DIO1: variants seen among roughly 807,000 people sequenced by gnomAD.
DIO1 encodes iodothyronine deiodinase 1, also known as type I iodothyronine deiodinase.
DIO1 carries 17 observed loss-of-function variants against 25.9 expected under a neutral mutation model. The observed-to-expected ratio is 0.66, with a 90% CI of 0.45 to 0.98. The LOEUF is 0.98. Among genes scored for constraint, DIO1 ranks in the 50% least tolerant of loss-of-function variants. The pLI is 0.00. For missense variants in DIO1, 270 were observed against 310.4 expected (o/e 0.87, Z 0.98); for synonymous variants, 115 against 114.0 (o/e 1.01, Z -0.05).
In DIO1 at chr1:53,906,186, C is replaced by A; in HGVS notation, c.573C>A (p.Ser191Arg). Residue 191 changes from serine to arginine, a missense_variant, in exon 3 of 4, where the codon AGC (serine) becomes AGA (arginine). By Grantham distance (110) the Ser-to-Arg change is moderately radical. Coordinates refer to ENST00000361921, the MANE Select transcript of DIO1 (RefSeq NM_000792.7). ...LQAAHLLLAR[S>R]PQCPVVVDTM... ...CAGCCCATCTACTGCTGGCCAGGAGCCCCCAGTGCCCTGTGGTGGTGGACA... is the reference window on the plus strand; with the variant it reads ...CAGCCCATCTACTGCTGGCCAGGAGACCCCAGTGCCCTGTGGTGGTGGACA... 6.2e-7 allele frequency: 1 copy of A among 1,614,148 alleles called. No individual in the cohort carries two copies. Among genetic ancestry groups the A allele is most frequent in the Non-Finnish European group, 8.5e-7 (1 of 1,180,000 alleles).
At chr1:53,909,833 C>A in intron 3 of DIO1, 98 bp from the exon 4 acceptor site, 1 of 1,162,550 alleles carries the variant, frequency 8.6e-7, no homozygotes, top group South Asian at 1.2e-5. Flanking sequence ...ACACAGACAT[C>A]ATTTGACCAC....
Position 53,909,277 on chromosome 1 carries a change from G to A in DIO1, c.682-654G>A, listed in dbSNP as rs546101915. Among the ~76,000 whole-genome samples the A allele has an allele frequency of 1.8e-4, 27 of 150,460 alleles. No homozygotes were observed. In the East Asian group the frequency reaches 3.3e-3, roughly 18 times the overall value. On this transcript the variant is annotated intron_variant, in intron 3 of 3. Coordinates refer to ENST00000361921, the MANE Select transcript of DIO1 (RefSeq NM_000792.7). ...CTAAAAATACAAAAATTAGCCAGGC[G>A]TGGTGGAGTGCACCCGTATTCCCTG... is the stretch of plus-strand genomic sequence containing the variant.
chr1:53,897,531 C>T (rs947667061), intron 1 of DIO1, among the ~76,000 whole-genome samples: 2 of 151,884 alleles, frequency 1.3e-5, no homozygotes, highest in African/African-American at 4.8e-5. Context: ...TTTGTCTCTG[C>T]TCCCTGCTGC....
intron 3 of DIO1, among the ~76,000 whole-genome samples, chr1:53,906,623 ATGT>A (rs978083884): frequency 2.0e-5 from 3 of 151,686 alleles, no homozygotes; most frequent in Admixed American, 6.6e-5. Flanking sequence ...GAGACAGAGA[ATGT>A]TGTTTTTGTT....
chr1:53,901,375 A>C (rs550598353), intron 1 of DIO1, among the ~76,000 whole-genome samples: 1 of 152,282 alleles, frequency 6.6e-6, no homozygotes, highest in East Asian at 1.9e-4. Context: ...AGTGCTTTCC[A>C]GAAACAATAT....
At chr1:53,905,498 A>C (rs1354259909) in intron 2 of DIO1, among the ~76,000 whole-genome samples, 1 of 152,144 alleles carries the variant, frequency 6.6e-6, no homozygotes, top group Non-Finnish European at 1.5e-5. Flanking sequence ...TTGAAAGAAC[A>C]CTGTGGTGAA....
chr1:53,905,027 G>C (rs532858742), intron 2 of DIO1, among the ~76,000 whole-genome samples: 4 of 152,320 alleles, frequency 2.6e-5, no homozygotes, highest in Admixed American at 2.0e-4. Flanking sequence ...AACACCTGGA[G>C]TGACAGGGTC....
intron 3 of DIO1, 26 bp from the exon 4 acceptor site, chr1:53,909,905 G>A (rs1321894936): frequency 6.2e-7 from 1 of 1,612,042 alleles, no homozygotes; most frequent in South Asian, 1.1e-5. Context: ...TACAAGTTGG[G>A]AATGCCTGAT....
rs144654417 is a variant in DIO1 at position 53,894,505 on chromosome 1, C to T, written c.295C>T (p.Arg99Cys). The T allele has an allele frequency of 1.6e-4, 265 of 1,614,042 alleles. No individual in the cohort carries two copies. The highest frequency in any genetic ancestry group is 4.7e-4 in the Admixed American group (28 of 60,008). ...TCTGGCCCCAAACTGCCCGGTGGTC[C>T]GCCTCTCAGGACAGAGGTGCAACAT... ...GGLAPNCPVV[R>C]LSGQRCNIWE... The change falls in exon 1 of 4, where the codon CGC becomes TGC. Residue 99 changes from arginine (R) to cysteine (C), a missense_variant. Transcript: ENST00000361921. The surrounding 1 kb of genome is among the most constrained non-coding windows in gnomAD (Gnocchi z 4.9).
At chr1:53,904,902 GGA>G (rs1306361051) in intron 2 of DIO1, 93 bp downstream of exon 2, 1 of 1,379,494 alleles carries the variant, frequency 7.2e-7, no homozygotes, top group Non-Finnish European at 9.9e-7. Flanking sequence ...GGAGGTGGAA[GGA>G]GGAAGAGGAG....
At chr1:53,905,165 A>ATTTT (rs1194459720) in intron 2 of DIO1, among the ~76,000 whole-genome samples, 16 of 119,004 alleles carry the variant, frequency 1.3e-4, no homozygotes, top group African/African-American at 3.8e-4. Flanking sequence ...CCTTATGGCT[A>ATTTT]TTTTTTTTTT....
chr1:53,906,015 G>A, intron 2 of DIO1, 80 bp from the exon 3 acceptor site: 1 of 1,385,470 alleles, frequency 7.2e-7, no homozygotes, highest in Non-Finnish European at 1.0e-6. Context: ...GAGAACCTCA[G>A]TTAAAAGTGA....
At chr1:53,903,597 G>A (rs932926841) in intron 1 of DIO1, among the ~76,000 whole-genome samples, 1 of 151,756 alleles carries the variant, frequency 6.6e-6, no homozygotes, top group African/African-American at 2.4e-5. Context: ...GCCTGTAATC[G>A]CAGCACTTTG....
At chr1:53,908,005 C>T (rs897522358) in intron 3 of DIO1, among the ~76,000 whole-genome samples, 4 of 148,154 alleles carry the variant, frequency 2.7e-5, no homozygotes, top group Non-Finnish European at 5.9e-5. Context: ...AGGCAGATCA[C>T]GAGGTCATGA....
At chr1:53,902,507 G>A (rs1165039860) in intron 1 of DIO1, among the ~76,000 whole-genome samples, 2 of 151,720 alleles carry the variant, frequency 1.3e-5, no homozygotes, top group Non-Finnish European at 2.9e-5. Context: ...CTGGAGATTC[G>A]AGGATGAATG....
intron 1 of DIO1, among the ~76,000 whole-genome samples, chr1:53,902,657 C>T (rs1056635450): frequency 6.6e-6 from 1 of 151,648 alleles, no homozygotes; most frequent in Admixed American, 6.6e-5. Context: ...CAGCTCTGGC[C>T]GTAAGAAACC....
In DIO1 at chr1:53,904,774, T is replaced by C. The variant is rs758185036; in HGVS notation, c.446T>C (p.Phe149Ser). The C allele has an allele frequency of 2.5e-6, 4 of 1,612,986 alleles. No homozygotes were observed. Among genetic ancestry groups the C allele is most frequent in the Non-Finnish European group, 3.4e-6 (4 of 1,179,590 alleles). The change falls in exon 2 of 4, where the codon TTT (phenylalanine) becomes TCT (serine). Residue 149 changes from phenylalanine to serine, a missense_variant. By Grantham distance (155) the Phe-to-Ser change is radical. Coordinates refer to ENST00000361921, the MANE Select transcript of DIO1 (RefSeq NM_000792.7). Reference sequence around the variant, plus strand: ...GAAGACTTTAGTTCCATAGCAGATTTTCTTGTCATTTACATTGAAGAAGCA... The same window carrying C: ...GAAGACTTTAGTTCCATAGCAGATTCTCTTGTCATTTACATTGAAGAAGCA... Reference protein sequence around the residue: ...LIEDFSSIADFLVIYIEEAHA... With the variant: ...LIEDFSSIADSLVIYIEEAHA...
chr1:53,898,649 G>T (rs1157690455), intron 1 of DIO1, among the ~76,000 whole-genome samples: 1 of 150,882 alleles, frequency 6.6e-6, no homozygotes, highest in Non-Finnish European at 1.5e-5. Flanking sequence ...GGAGGCTGAG[G>T]CAGGAGAATT....
chr1:53,898,817 G>A (rs1180423711), intron 1 of DIO1, among the ~76,000 whole-genome samples: 2 of 151,422 alleles, frequency 1.3e-5, no homozygotes, highest in African/African-American at 4.9e-5. Context: ...AAGCTCTGTT[G>A]TATGCTTTGG....
Sources: allele counts gnomAD v4.1 joint callset (sites outside exome capture counted in the v4.1 genomes callset), GRCh38; gene constraint gnomAD v4.1.1; non-coding constraint Gnocchi (gnomAD v3.1); transcripts MANE v1.5; gene names NCBI Gene and HGNC (gene_info 2026-07-23, HGNC 2026-07-21).